Variants in TMEM178B observed in about 807,000 individuals in gnomAD.
TMEM178B encodes transmembrane protein 178B.
In TMEM178B, 5 loss-of-function variants were observed where a neutral mutation model predicts 31.0. The ratio of observed to expected loss-of-function variants is 0.16; its 90% CI spans 0.08 to 0.34. TMEM178B has a LOEUF of 0.34. Among genes scored for constraint, TMEM178B ranks in the 10% least tolerant of loss-of-function variants. TMEM178B has a pLI of 1.00. For synonymous variants in TMEM178B, 164 were observed against 164.0 expected (o/e 1.00, Z 0.00); for missense variants, 275 against 400.3 (o/e 0.69, Z 2.67).
chr7:141,138,567 T>C (rs1169310022), intron 1 of TMEM178B, among the ~76,000 whole-genome samples: 1 of 151,690 alleles, frequency 6.6e-6, no homozygotes, highest in Non-Finnish European at 1.5e-5. Flanking sequence ...AATCATCTCA[T>C]GTTTTGGGAG....
At chr7:141,404,237 G>A (rs546164178) in intron 2 of TMEM178B, among the ~76,000 whole-genome samples, 1 of 152,200 alleles carries the variant, frequency 6.6e-6, no homozygotes, top group South Asian at 2.1e-4. Context: ...CCCAGGAAGC[G>A]GAGCTTGCAA....
chr7:141,495,647 C>T, the TMEM178B span, among the ~76,000 whole-genome samples: 4 of 152,230 alleles, frequency 2.6e-5, no homozygotes, highest in South Asian at 8.3e-4. Context: ...GCATTGTTTG[C>T]TATAGCAAAC....
At chr7:141,094,158 G>C (rs145359600) in intron 1 of TMEM178B, among the ~76,000 whole-genome samples, 118 of 152,222 alleles carry the variant, frequency 7.8e-4, no homozygotes, top group African/African-American at 2.4e-3. Flanking sequence ...GGATAGGGTT[G>C]AAGTAGGAAG....
intron 2 of TMEM178B, among the ~76,000 whole-genome samples, chr7:141,405,211 C>T (rs1030957844): frequency 5.3e-5 from 8 of 152,246 alleles, no homozygotes; most frequent in African/African-American, 1.9e-4. Flanking sequence ...AATTGCAGCT[C>T]CTCGGACAAA....
At position 141,261,483 on chromosome 7, in the gene TMEM178B, A is replaced by G. The variant is rs554099747; in HGVS notation, c.496+48779A>G. Among the ~76,000 whole-genome samples, 4 of 152,244 alleles carry G rather than the reference A, an allele frequency of 2.6e-5. No individual in the cohort carries two copies. In the East Asian group the frequency reaches 7.7e-4, roughly 29 times the overall value. On this transcript the variant is annotated intron_variant, in intron 2 of 3. Transcript: ENST00000565468. ...TTTTGGGTGGTTGGAAATGGGACAG[A>G]TGAGGCAAAGAAATTGTAGATGCAG...
At chr7:141,406,849 A>C (rs543001263) in intron 2 of TMEM178B, among the ~76,000 whole-genome samples, 3 of 152,238 alleles carry the variant, frequency 2.0e-5, no homozygotes, top group Non-Finnish European at 4.4e-5. Context: ...GTTACAATGC[A>C]TGTATTTCTA....
intron 2 of TMEM178B, among the ~76,000 whole-genome samples, chr7:141,350,923 C>A (rs923150504): frequency 6.6e-6 from 1 of 152,162 alleles, no homozygotes; most frequent in African/African-American, 2.4e-5. Context: ...CAAAGAATAA[C>A]CCCTATCCCT....
intron 1 of TMEM178B, among the ~76,000 whole-genome samples, chr7:141,180,233 C>A (rs554059428): frequency 6.6e-6 from 1 of 152,148 alleles, no homozygotes; most frequent in Admixed American, 6.5e-5. Flanking sequence ...ATAATTCCAG[C>A]ACAGGCTGAG....
intron 2 of TMEM178B, among the ~76,000 whole-genome samples, chr7:141,297,595 G>C (rs1563144508): frequency 6.6e-6 from 1 of 152,266 alleles, no homozygotes; most frequent in Non-Finnish European, 1.5e-5. Flanking sequence ...CTATGAGTGA[G>C]AACATGTGGT....
intron 1 of TMEM178B, among the ~76,000 whole-genome samples, chr7:141,083,171 T>G (rs896983952): frequency 1.3e-5 from 2 of 152,218 alleles, no homozygotes; most frequent in African/African-American, 4.8e-5. Context: ...CAGATATGTT[T>G]GTAACTTACT....
chr7:141,232,002 C>T (rs1797455350), intron 2 of TMEM178B, among the ~76,000 whole-genome samples: 1 of 152,148 alleles, frequency 6.6e-6, no homozygotes, highest in African/African-American at 2.4e-5. Flanking sequence ...ATGTTCCCCA[C>T]CCATGTTTCC....
At position 141,458,620 on chromosome 7, in the gene TMEM178B, A is replaced by T. The variant is rs550445862; in HGVS notation, c.635-11916A>T. On this transcript the variant is annotated intron_variant, in intron 3 of 3. Transcript: ENST00000565468. ...GGTGATGGAGATGAAAACAGGAAAC[A>T]TTTTTTTTTTGTCCTTGAGAACAAT... Among the ~76,000 whole-genome samples the T allele has an allele frequency of 6.0e-5, 9 of 148,958 alleles. No individual in the cohort carries two copies. The South Asian group carries it at 1.9e-3, about 32-fold the overall frequency.
intron 2 of TMEM178B, among the ~76,000 whole-genome samples, chr7:141,383,174 A>T (rs17569659): frequency 1.5e-4 from 17 of 112,460 alleles, no homozygotes; most frequent in East Asian, 4.0e-4. Flanking sequence ...CTTTTTTTTT[A>T]AAGTCTAGCT....
At chr7:141,391,466 A>T (rs1288681986) in intron 2 of TMEM178B, among the ~76,000 whole-genome samples, 1 of 152,168 alleles carries the variant, frequency 6.6e-6, no homozygotes, top group Admixed American at 6.5e-5. Context: ...GGCCTCTTTC[A>T]ACTCTTTAAA....
intron 2 of TMEM178B, among the ~76,000 whole-genome samples, chr7:141,273,738 C>G (rs189593718): frequency 2.4e-4 from 37 of 152,330 alleles, no homozygotes; most frequent in African/African-American, 8.7e-4. Context: ...TTGCCCGAGG[C>G]TCTCACTGCT....
At position 141,477,814 on chromosome 7, in the gene TMEM178B, C is replaced by G. The variant is rs1802401322; in HGVS notation, c.*7028C>G. 1 of 152,218 alleles carries G rather than the reference C, an allele frequency of 6.6e-6. No individual in the cohort carries two copies. Among genetic ancestry groups the G allele is most frequent in the African/African-American group, 2.4e-5 (1 of 41,442 alleles). 9.4% of individuals were successfully genotyped at this position (152,218 alleles called of 1,614,324 possible). A position where few individuals can be genotyped will look rare whatever the true frequency, so the allele number is the denominator to read the frequency against. ...AGGAGATGTTTTCTCTCTGCTACTC[C>G]TGGCCTCTGCTTTCGCCCCTCAGAA... On this transcript the variant is annotated 3_prime_UTR_variant, in exon 4 of 4. Coordinates refer to ENST00000565468, the MANE Select transcript of TMEM178B (RefSeq NM_001195278.2).
At chr7:141,352,274 G>C (rs1210773436) in intron 2 of TMEM178B, 1 of 152,374 alleles carries the variant, frequency 6.6e-6, no homozygotes, top group Non-Finnish European at 1.5e-5. Flanking sequence ...ATCCAGGAGA[G>C]GCTTAAGGAG....
intron 3 of TMEM178B, among the ~76,000 whole-genome samples, chr7:141,445,561 A>G (rs1177478424): frequency 2.0e-5 from 3 of 152,244 alleles, no homozygotes; most frequent in Non-Finnish European, 2.9e-5. Context: ...TTCAGGAGGC[A>G]TTATATCTCA....
downstream of TMEM178B, among the ~76,000 whole-genome samples, chr7:141,481,376 A>G (rs1802471826): frequency 1.3e-5 from 2 of 152,146 alleles, no homozygotes; most frequent in African/African-American, 2.4e-5. Context: ...CGAAAGAAGA[A>G]ATGTCCATTA....
Sources: gnomAD v4.1 joint callset for allele counts (sites outside exome capture counted in the v4.1 genomes callset) on GRCh38, gnomAD v4.1.1 for gene constraint, MANE v1.5 for transcripts, NCBI Gene and HGNC (gene_info 2026-07-23, HGNC 2026-07-21) for gene names.